The following FHOD3 variants were observed in gnomAD, a reference collection of about 807,000 sequenced individuals.
FHOD3 encodes FH1/FH2 domain-containing protein 3.
A neutral mutation model predicts 173.0 loss-of-function variants in FHOD3; 90 were observed. That is an observed-to-expected ratio of 0.52 (90% CI 0.44 to 0.62). FHOD3 has a LOEUF of 0.62. Ranked by LOEUF, FHOD3 falls within the 20% of genes least tolerant of loss-of-function variation. The pLI, the probability that FHOD3 is intolerant of heterozygous loss-of-function variation, is 0.00. For synonymous variants in FHOD3, 828 were observed against 823.0 expected, an observed-to-expected ratio of 1.01 and a Z score of -0.10; for missense variants, 1,945 against 2,034.7, an observed-to-expected ratio of 0.96 and a Z score of 0.85.
chr18:36,766,569 C>A (rs1342741956), intron 27 of FHOD3, among the ~76,000 whole-genome samples: 1 of 152,098 alleles, frequency 6.6e-6, no homozygotes, highest in East Asian at 1.9e-4. Context: ...GGAATGTATA[C>A]ATGACTAGGA....
intron 1 of FHOD3, among the ~76,000 whole-genome samples, chr18:36,307,167 T>A (rs79029596): frequency 0.07 from 10,661 of 152,090 alleles, 584 homozygotes; most frequent in East Asian, 0.28. Flanking sequence ...TTTCACCATG[T>A]TGGCCAGGGT....
intron 18 of FHOD3, chr18:36,710,399 G>A (rs1029302434): frequency 1.3e-5 from 2 of 152,158 alleles, no homozygotes; most frequent in Admixed American, 6.5e-5. Context: ...CTCTACAAAG[G>A]CCTGCCAACC....
intron 27 of FHOD3, among the ~76,000 whole-genome samples, chr18:36,768,369 C>A (rs1173234717): frequency 6.6e-6 from 1 of 152,232 alleles, no homozygotes. Flanking sequence ...TACCTACATG[C>A]AGATTTTTTC....
At chr18:36,503,668 C>G (rs570445824) in intron 4 of FHOD3, among the ~76,000 whole-genome samples, 3 of 152,314 alleles carry the variant, frequency 2.0e-5, no homozygotes, top group African/African-American at 7.2e-5. Flanking sequence ...ATTGCAGCAG[C>G]TATTCATGGC....
At chr18:36,462,334 T>G (rs995448787) in intron 3 of FHOD3, among the ~76,000 whole-genome samples, 1 of 152,000 alleles carries the variant, frequency 6.6e-6, no homozygotes, top group East Asian at 1.9e-4. Flanking sequence ...TTTTGGTTGG[T>G]TGGTTGGTTG....
Position 36,751,537 on chromosome 18 carries a change from C to T in FHOD3, c.4233-3582C>T, listed in dbSNP as rs536409305. ...CATAGAAGTGGTGAGAGAGGGCATC[C>T]GTGTCTCCTGCTGGTTTTCAAGGGG... is the stretch of plus-strand genomic sequence containing the variant. On this transcript the variant is annotated intron_variant, in intron 24 of 28. Transcript: ENST00000590592. Among the ~76,000 whole-genome samples the T allele has an allele frequency of 8.5e-5, 13 of 152,304 alleles. No homozygotes were observed. The South Asian group carries it at 1.0e-3, about 12-fold the overall frequency.
At chr18:36,632,021 C>T (rs2034551380) in intron 10 of FHOD3, among the ~76,000 whole-genome samples, 1 of 151,474 alleles carries the variant, frequency 6.6e-6, no homozygotes, top group African/African-American at 2.5e-5. Flanking sequence ...TTTTCTCATA[C>T]CAAACTTGCT....
At chr18:36,400,944 C>T (rs1452526520) in intron 3 of FHOD3, among the ~76,000 whole-genome samples, 2 of 152,146 alleles carry the variant, frequency 1.3e-5, no homozygotes, top group African/African-American at 4.8e-5. Context: ...AGGAAAGTGT[C>T]GGTTGCTGGC....
intron 6 of FHOD3, among the ~76,000 whole-genome samples, chr18:36,588,197 C>G (rs1467513468): frequency 6.6e-6 from 1 of 152,182 alleles, no homozygotes; most frequent in East Asian, 1.9e-4. Flanking sequence ...TCTGGGATGT[C>G]TGTTGGATTG....
At chr18:36,485,791 CCTGTGTCT>C (rs2054162812) in intron 3 of FHOD3, among the ~76,000 whole-genome samples, 1 of 152,280 alleles carries the variant, frequency 6.6e-6, no homozygotes, top group Admixed American at 6.5e-5. Flanking sequence ...CAGAAGTCAG[CCTGTGTCT>C]CTTGCAGAGG....
intron 10 of FHOD3, among the ~76,000 whole-genome samples, chr18:36,642,843 T>C (rs979265075): frequency 4.6e-5 from 7 of 152,152 alleles, no homozygotes; most frequent in African/African-American, 1.7e-4. Context: ...AATACTTAAA[T>C]ATGTGTTTAT....
intron 3 of FHOD3, among the ~76,000 whole-genome samples, chr18:36,421,745 T>C (rs1226035285): frequency 2.6e-5 from 4 of 152,138 alleles, no homozygotes; most frequent in Non-Finnish European, 4.4e-5. Flanking sequence ...CCATGAATGT[T>C]TGTGGTAGTT....
rs547664562 is a variant in FHOD3 at position 36,430,430 on chromosome 18, C to T, written c.337+57686C>T. Among the ~76,000 whole-genome samples the T allele has an allele frequency of 3.3e-3, 498 of 152,196 alleles. 3 individuals carry two copies. The highest frequency in any genetic ancestry group is 0.011 in the African/African-American group (471 of 41,558). On this transcript the variant is annotated intron_variant, in intron 3 of 28. Transcript: ENST00000590592. Reference sequence around the variant, plus strand: ...GGGGTTTCTCCATGTTGGTCAGGCTCGTCTGGAACTCCTGACCTCAGGTGA... The same window carrying T: ...GGGGTTTCTCCATGTTGGTCAGGCTTGTCTGGAACTCCTGACCTCAGGTGA...
At chr18:36,703,371 C>G (rs1000109628) in intron 17 of FHOD3, among the ~76,000 whole-genome samples, 2 of 152,192 alleles carry the variant, frequency 1.3e-5, no homozygotes, top group Non-Finnish European at 2.9e-5. Flanking sequence ...TCAGCATCCT[C>G]AGGCACAGAG....
chr18:36,774,196 T>C (rs1387891394), intron 28 of FHOD3, among the ~76,000 whole-genome samples: 1 of 152,236 alleles, frequency 6.6e-6, no homozygotes, highest in Non-Finnish European at 1.5e-5. Context: ...TCTGTTCCTT[T>C]CCTACCTAGG....
At chr18:36,525,949 T>C (rs1282375713) in intron 5 of FHOD3, among the ~76,000 whole-genome samples, 1 of 152,238 alleles carries the variant, frequency 6.6e-6, no homozygotes, top group Non-Finnish European at 1.5e-5. Flanking sequence ...CATGGTAGCT[T>C]TATCAAGATT....
chr18:36,420,401 C>G (rs2147069023), intron 3 of FHOD3, among the ~76,000 whole-genome samples: 1 of 152,322 alleles, frequency 6.6e-6, no homozygotes, highest in African/African-American at 2.4e-5. Context: ...CTCTCACTTG[C>G]CACCTGACAC....
In FHOD3 at chr18:36,596,470, A is replaced by G. The variant is rs559308980; in HGVS notation, c.718+1572A>G. ...AGTGCTGGGATTACAGGCGTGAGCCAGCGTGCCCAGCCAGTTGTGTCTGTG... is the reference window on the plus strand; with the variant it reads ...AGTGCTGGGATTACAGGCGTGAGCCGGCGTGCCCAGCCAGTTGTGTCTGTG... On this transcript the variant is annotated intron_variant, in intron 7 of 28. Coordinates refer to ENST00000590592, the MANE Select transcript of FHOD3 (RefSeq NM_001281740.3). Among the ~76,000 whole-genome samples the G allele has an allele frequency of 1.8e-3, 267 of 151,946 alleles. 1 individual carries two copies. Among genetic ancestry groups the G allele is most frequent in the Non-Finnish European group, 2.2e-3 (151 of 67,986 alleles).
At chr18:36,602,556 T>C in intron 7 of FHOD3, 118 bp from the exon 8 acceptor site, 3 of 778,446 alleles carry the variant, frequency 3.9e-6, no homozygotes, top group Non-Finnish European at 6.8e-6. Context: ...ACTTTGAAAT[T>C]TGGTGACTGA....
Sources: gnomAD v4.1 joint callset for allele counts (sites outside exome capture counted in the v4.1 genomes callset) on GRCh38, gnomAD v4.1.1 for gene constraint, MANE v1.5 for transcripts, NCBI Gene and HGNC (gene_info 2026-07-23, HGNC 2026-07-21) for gene names.